RRM1: variants seen among roughly 807,000 people sequenced by gnomAD.
RRM1 encodes the protein ribonucleoside-diphosphate reductase large subunit.
Under a neutral mutation model 101.5 loss-of-function variants are expected in RRM1, and 19 were observed. That is an observed-to-expected ratio of 0.19 (90% CI 0.13 to 0.27). The LOEUF (loss-of-function observed/expected upper bound fraction) is 0.27. Among genes scored for constraint, RRM1 ranks in the 10% least tolerant of loss-of-function variants. The pLI, the probability that RRM1 is intolerant of heterozygous loss-of-function variation, is 1.00. For synonymous variants in RRM1, 298 were observed against 323.4 expected (o/e 0.92, Z 0.84); for missense variants, 500 against 962.9 (o/e 0.52, Z 6.36).
chr11:4,122,649 G>A (rs1437019040), intron 11 of RRM1, among the ~76,000 whole-genome samples: 5 of 152,190 alleles, frequency 3.3e-5, no homozygotes, highest in African/African-American at 9.7e-5. Flanking sequence ...GAGGCAGGTG[G>A]ATCATTTGAG....
intron 12 of RRM1, among the ~76,000 whole-genome samples, chr11:4,125,189 A>G (rs1447868148): frequency 6.6e-6 from 1 of 152,138 alleles, no homozygotes; most frequent in Non-Finnish European, 1.5e-5. Context: ...TTGGGATTAC[A>G]GGCGTGAGCC....
intron 11 of RRM1, among the ~76,000 whole-genome samples, chr11:4,122,871 T>G (rs961779019): frequency 1.4e-5 from 2 of 139,914 alleles, no homozygotes; most frequent in African/African-American, 5.8e-5. Flanking sequence ...AAACTCCGTC[T>G]CAAAAAAAAA....
intron 12 of RRM1, 66 bp from the exon 13 acceptor site, chr11:4,126,618 G>T (rs2094589993): frequency 2.8e-6 from 4 of 1,438,474 alleles, no homozygotes. Flanking sequence ...CTCACATGGT[G>T]GTGTAATTGA....
At chr11:4,095,354 G>C (rs1217500109) in intron 1 of RRM1, among the ~76,000 whole-genome samples, 1 of 137,170 alleles carries the variant, frequency 7.3e-6, no homozygotes, top group Non-Finnish European at 1.6e-5. Context: ...GCAAGCCTCT[G>C]AGAGATGATT....
chr11:4,101,564 C>CCCCT (rs1554973353), intron 1 of RRM1, among the ~76,000 whole-genome samples: 1 of 114,778 alleles, frequency 8.7e-6, no homozygotes, highest in African/African-American at 3.3e-5. Flanking sequence ...TCCACACCCC[C>CCCCT]CCCCGCTCCC....
Position 4,127,266 on chromosome 11 carries a change from T to C in RRM1, c.1692+10T>C, listed in dbSNP as rs2094591335. The C allele has an allele frequency of 1.3e-6, 2 of 1,541,528 alleles. No homozygotes were observed. The highest frequency in any genetic ancestry group is 1.7e-6 in the Non-Finnish European group (2 of 1,147,156). ...TCCAGTTAGCAAAGGAGTAAGTATA[T>C]GGATGGAATTGTTTTTGCCTGTGAG... On this transcript the variant is annotated intron_variant, in intron 14 of 18. Coordinates refer to ENST00000300738, the MANE Select transcript of RRM1 (RefSeq NM_001033.5).
intron 1 of RRM1, among the ~76,000 whole-genome samples, chr11:4,097,145 C>T (rs376193037): frequency 4.0e-5 from 6 of 151,296 alleles, no homozygotes; most frequent in Non-Finnish European, 7.4e-5. Flanking sequence ...GTTAGCCGGA[C>T]GGTAGTGGTT....
intron 15 of RRM1, among the ~76,000 whole-genome samples, chr11:4,130,260 C>T (rs991129080): frequency 3.3e-5 from 5 of 151,442 alleles, no homozygotes; most frequent in Non-Finnish European, 5.9e-5. Flanking sequence ...AACCATTTGT[C>T]TCAGAAAACA....
chr11:4,121,564 A>G (rs1590725253), intron 9 of RRM1, 40 bp from the exon 10 acceptor site: 2 of 1,524,326 alleles, frequency 1.3e-6, no homozygotes. Flanking sequence ...TCTTTGTTTC[A>G]TTTTTATTCT....
At chr11:4,126,654 G>A (rs758880999) in intron 12 of RRM1, 30 bp from the exon 13 acceptor site, 2 of 1,582,304 alleles carry the variant, frequency 1.3e-6, no homozygotes, top group Non-Finnish European at 1.7e-6. Context: ...TAAAAATTGT[G>A]TGATTCTTGA....
intron 5 of RRM1, among the ~76,000 whole-genome samples, chr11:4,110,495 T>C (rs1201896523): frequency 6.6e-6 from 1 of 152,074 alleles, no homozygotes; most frequent in Non-Finnish European, 1.5e-5. Flanking sequence ...AGGCTGGGCA[T>C]GGTGGCTTAC....
intron 5 of RRM1, among the ~76,000 whole-genome samples, chr11:4,111,332 A>C (rs1430397175): frequency 1.3e-5 from 2 of 151,350 alleles, no homozygotes; most frequent in East Asian, 1.9e-4. Context: ...AATGGCATGA[A>C]CCCGGGAGGC....
intron 18 of RRM1, chr11:4,137,163 C>A: frequency 4.1e-6 from 1 of 246,192 alleles, no homozygotes; most frequent in South Asian, 4.1e-5. Context: ...TCTCCCGTGT[C>A]TACTTCTTTC....
chr11:4,126,617 T>C, intron 12 of RRM1, 67 bp from the exon 13 acceptor site: 1 of 1,432,062 alleles, frequency 7.0e-7, no homozygotes, highest in Non-Finnish European at 9.5e-7. Flanking sequence ...GCTCACATGG[T>C]GGTGTAATTG....
rs997350672 is a variant in RRM1 at position 4,138,649 on chromosome 11, A to G, written c.*266A>G. On this transcript the variant is annotated 3_prime_UTR_variant, in exon 19 of 19. Coordinates refer to ENST00000300738, the MANE Select transcript of RRM1 (RefSeq NM_001033.5). ...TCAAAGTAGAAGTTTTAGGAATGCA[A>G]AATAAGTCATCTTGCATACAGGGAG... 8 of 283,396 alleles carry G rather than the reference A, an allele frequency of 2.8e-5. No homozygotes were observed. Among genetic ancestry groups the G allele is most frequent in the African/African-American group, 8.6e-5 (4 of 46,728 alleles). 17.6% of individuals were successfully genotyped at this position (283,396 alleles called of 1,614,324 possible). A position where few individuals can be genotyped will look rare whatever the true frequency, so the allele number is the denominator to read the frequency against.
intron 18 of RRM1, chr11:4,137,165 A>T: frequency 4.1e-6 from 1 of 246,240 alleles, no homozygotes; most frequent in South Asian, 4.2e-5. Context: ...TCCCGTGTCT[A>T]CTTCTTTCTA....
chr11:4,133,804 T>C (rs1190152289), intron 17 of RRM1, 146 bp downstream of exon 17: 1 of 515,672 alleles, frequency 1.9e-6, no homozygotes, highest in Non-Finnish European at 3.4e-6. Flanking sequence ...TGCATTGTTG[T>C]GCTAGGATTG....
chr11:4,111,784 T>G (rs1441033625), intron 6 of RRM1, 116 bp from the exon 7 acceptor site: 13 of 1,209,912 alleles, frequency 1.1e-5, no homozygotes, highest in Non-Finnish European at 1.5e-5. Flanking sequence ...TTGTCCTGTT[T>G]ATTAGTATAA....
At chr11:4,101,178 T>C (rs1360628928) in intron 1 of RRM1, among the ~76,000 whole-genome samples, 1 of 151,998 alleles carries the variant, frequency 6.6e-6, no homozygotes, top group African/African-American at 2.4e-5. Context: ...GAGAAGGTGA[T>C]GACATTGAGC....
Sources: gnomAD v4.1 joint callset for allele counts (sites outside exome capture counted in the v4.1 genomes callset) on GRCh38, gnomAD v4.1.1 for gene constraint, MANE v1.5 for transcripts, NCBI Gene and HGNC (gene_info 2026-07-23, HGNC 2026-07-21) for gene names.